PTPN21: variants seen among roughly 807,000 people sequenced by gnomAD.
PTPN21 encodes tyrosine-protein phosphatase non-receptor type 21.
PTPN21 carries 77 observed loss-of-function variants against 131.8 expected under a neutral mutation model. The ratio of observed to expected loss-of-function variants is 0.58; its 90% CI spans 0.49 to 0.71. The LOEUF (loss-of-function observed/expected upper bound fraction) is 0.71, where lower values mean the gene tolerates loss of function less well. Ranked by LOEUF, PTPN21 falls within the 30% of genes least tolerant of loss-of-function variation. The pLI, the probability that PTPN21 is intolerant of heterozygous loss-of-function variation, is 0.00. For synonymous variants in PTPN21, 715 were observed against 621.3 expected, an observed-to-expected ratio of 1.15 and a Z score of -2.24; for missense variants, 1,552 against 1,527.1, an observed-to-expected ratio of 1.02 and a Z score of -0.27.
intron 10 of PTPN21, 60 bp downstream of exon 10, chr14:88,496,353 C>T: frequency 7.1e-7 from 1 of 1,411,340 alleles, no homozygotes; most frequent in Non-Finnish European, 1.0e-6. Context: ...ACAGTATACT[C>T]AAGATTACAA....
rs532275065 is a variant in PTPN21 at position 88,525,739 on chromosome 14, C to A, written c.181-8478G>T. 1.2e-3 allele frequency among the ~76,000 whole-genome samples: 182 copies of A among 152,230 alleles called. 1 individual carries two copies. In the Middle Eastern group the frequency reaches 0.017, roughly 14 times the overall value. On this transcript the variant is annotated intron_variant, in intron 2 of 18. Transcript: ENST00000556564. ...AACTGAAAAACAGGTGCTCAAGAAACACATGTATATGCATATGCACAGCAG... is the reference window on the plus strand; with the variant it reads ...AACTGAAAAACAGGTGCTCAAGAAAAACATGTATATGCATATGCACAGCAG...
At chr14:88,515,970 G>A (rs1345918813) in intron 3 of PTPN21, among the ~76,000 whole-genome samples, 4 of 152,050 alleles carry the variant, frequency 2.6e-5, no homozygotes, top group Non-Finnish European at 5.9e-5. Context: ...CCTACCACTG[G>A]ATCCTACTGC....
Position 88,539,250 on chromosome 14 carries a change from A to ATT in PTPN21, c.180+10986_180+10987dup, listed in dbSNP as rs57117892. Among the ~76,000 whole-genome samples, 162 of 120,284 alleles carry ATT rather than the reference A, an allele frequency of 1.3e-3. 2 individuals carry two copies. The East Asian group carries it at 0.024, about 18-fold the overall frequency. 78.9% of individuals were successfully genotyped at this position (120,284 alleles called of 152,430 possible). A position where few individuals can be genotyped will look rare whatever the true frequency, so the allele number is the denominator to read the frequency against. On this transcript the variant is annotated intron_variant, in intron 2 of 18. Coordinates refer to ENST00000556564, the MANE Select transcript of PTPN21 (RefSeq NM_007039.4). ...AGGCGACTGCCACCACGCCCGGTTA[A>ATT]TTTTTTTTTTTTTTTTGAGACATAG...
chr14:88,468,816 C>A, intron 18 of PTPN21, 100 bp downstream of exon 18: 2 of 1,488,996 alleles, frequency 1.3e-6, no homozygotes, highest in Non-Finnish European at 1.9e-6. Context: ...CACCACAGTC[C>A]AAGGAAATGT....
At chr14:88,504,363 T>G in intron 6 of PTPN21, 62 bp downstream of exon 6, 1 of 1,227,722 alleles carries the variant, frequency 8.1e-7, no homozygotes, top group South Asian at 1.3e-5. Context: ...TTTAATTGAA[T>G]ATTTCAAATT....
At chr14:88,538,141 T>C (rs1487271758) in intron 2 of PTPN21, among the ~76,000 whole-genome samples, 3 of 152,188 alleles carry the variant, frequency 2.0e-5, no homozygotes, top group Non-Finnish European at 4.4e-5. Context: ...TGTGCTACCA[T>C]ATAAAGGTTG....
chr14:88,495,294 T>C (rs113965585), intron 10 of PTPN21, among the ~76,000 whole-genome samples: 4 of 152,148 alleles, frequency 2.6e-5, no homozygotes, highest in Non-Finnish European at 5.9e-5. Context: ...CAGTAGTATA[T>C]ATTCACCACA....
intron 2 of PTPN21, among the ~76,000 whole-genome samples, chr14:88,533,390 T>C (rs546875630): frequency 5.3e-5 from 8 of 152,334 alleles, no homozygotes; most frequent in Non-Finnish European, 1.2e-4. Flanking sequence ...ATGTTGTAGT[T>C]GCTAAGTTGC....
At chr14:88,506,221 T>A (rs900732695) in intron 4 of PTPN21, among the ~76,000 whole-genome samples, 1 of 152,116 alleles carries the variant, frequency 6.6e-6, no homozygotes, top group African/African-American at 2.4e-5. Flanking sequence ...ACACCTGTAG[T>A]CACAGCTACT....
Position 88,469,766 on chromosome 14 carries a change from G to C in PTPN21, c.3001-33C>G, listed in dbSNP as rs761216838. 1.2e-6 allele frequency: 2 copies of C among 1,610,072 alleles called. No individual in the cohort carries two copies. The highest frequency in any genetic ancestry group is 3.3e-5 in the Admixed American group (2 of 59,994). On this transcript the variant is annotated intron_variant, in intron 16 of 18. Transcript: ENST00000556564. The surrounding 1 kb of genome is among the most constrained non-coding windows in gnomAD (Gnocchi z 4.3). ...AGATGAGCATGGTTAAATGACTCGA[G>C]ATCCGGCAATGGATGCCTTTCTCAC...
At chr14:88,512,718 T>C (rs2078204846) in intron 3 of PTPN21, 1 of 152,232 alleles carries the variant, frequency 6.6e-6, no homozygotes, top group Non-Finnish European at 1.5e-5. Flanking sequence ...CTGTAGCTAG[T>C]GCAAGAAAAT....
chr14:88,479,139 G>A lies in PTPN21; in HGVS notation c.2292C>T (p.Val764=). ...PLHILEPKAH[V]PDAEKRMMDS... is the part of the protein sequence containing the mutation. ...CCATCATCCTCTTCTCCGCGTCTGG[G>A]ACGTGGGCCTTGGGCTCCAGGATGT... is the stretch of plus-strand genomic sequence containing the variant. Residue 764 remains valine (V), a synonymous_variant, in exon 13 of 19, where the codon GTC becomes GTT. Transcript: ENST00000556564. 6.4e-7 allele frequency: 1 copy of A among 1,555,178 alleles called. No homozygotes were observed. Among genetic ancestry groups the A allele is most frequent in the African/African-American group, 1.4e-5 (1 of 72,706 alleles).
At chr14:88,523,748 CACACACA>C (rs2078434985) in intron 2 of PTPN21, among the ~76,000 whole-genome samples, 1 of 151,878 alleles carries the variant, frequency 6.6e-6, no homozygotes, top group Non-Finnish European at 1.5e-5. Flanking sequence ...CACACACACA[CACACACA>C]CCCCTGCCCT....
intron 13 of PTPN21, among the ~76,000 whole-genome samples, chr14:88,475,285 T>C (rs1303482111): frequency 6.6e-6 from 1 of 152,132 alleles, no homozygotes; most frequent in Non-Finnish European, 1.5e-5. Flanking sequence ...AAAGGCAACT[T>C]GGTGAGAGAG....
At position 88,479,602 on chromosome 14, in the gene PTPN21, CT is replaced by C; in HGVS notation, c.1828del (p.Ser610AlafsTer84). The part of the protein sequence containing the change: ...HHSVQTFQED[S>X]LPVAHSLQEV... ...CTGCAGCGAGTGCGCCACGGGCAGG[CT>C]GTCCTCCTGGAACGTTTGCACCGAG... On this transcript the variant is annotated frameshift_variant, in exon 13 of 19. Coordinates refer to ENST00000556564, the MANE Select transcript of PTPN21 (RefSeq NM_007039.4). LOFTEE classifies it high-confidence loss of function. 6.3e-7 allele frequency: 1 copy of C among 1,585,862 alleles called. No homozygotes were observed.
At chr14:88,487,828 C>T (rs566313598) in intron 10 of PTPN21, among the ~76,000 whole-genome samples, 12 of 151,986 alleles carry the variant, frequency 7.9e-5, no homozygotes, top group Admixed American at 2.0e-4. Flanking sequence ...TAGCCAGGCG[C>T]GGTGGCAGGC....
chr14:88,493,870 T>A (rs953697800), intron 10 of PTPN21, among the ~76,000 whole-genome samples: 1 of 152,120 alleles, frequency 6.6e-6, no homozygotes, highest in South Asian at 2.1e-4. Flanking sequence ...GAATCAGAGC[T>A]CTTAACACCT....
chr14:88,496,393 C>T lies in PTPN21; in HGVS notation c.932+20G>A, dbSNP rs754810304. ...TAAATTCATTATTTTTGATAATTTC[C>T]ATGAGCAGGACATACTTACAGGTTA... is the stretch of plus-strand genomic sequence containing the variant. On this transcript the variant is annotated intron_variant, in intron 10 of 18. Coordinates refer to ENST00000556564, the MANE Select transcript of PTPN21 (RefSeq NM_007039.4). The T allele has an allele frequency of 1.3e-6, 2 of 1,574,272 alleles. No homozygotes were observed. The highest frequency in any genetic ancestry group is 8.7e-7 in the Non-Finnish European group (1 of 1,145,676).
rs1227558969 is a variant in PTPN21, at chr14:88,466,153, G to A, written c.*1984C>T. On this transcript the variant is annotated 3_prime_UTR_variant, in exon 19 of 19. Transcript: ENST00000556564. ...AAAGTTCTTATTCCTTTCTTCTAAG[G>A]AGCTCGTTCTGAATATTTTCACTTA... 1 of 152,024 alleles carries A rather than the reference G, an allele frequency of 6.6e-6. No homozygotes were observed. 9.4% of individuals were successfully genotyped at this position (152,024 alleles called of 1,614,324 possible). A position where few individuals can be genotyped will look rare whatever the true frequency, so the allele number is the denominator to read the frequency against.
Sources: gnomAD v4.1 joint callset for allele counts (sites outside exome capture counted in the v4.1 genomes callset) on GRCh38, gnomAD v4.1.1 for gene constraint, Gnocchi (gnomAD v3.1) non-coding constraint, MANE v1.5 for transcripts, NCBI Gene and HGNC (gene_info 2026-07-23, HGNC 2026-07-21) for gene names.